Variants in ADRA1B observed in about 807,000 individuals in gnomAD.
The protein encoded by ADRA1B is alpha-1B adrenergic receptor.
ADRA1B carries 17 observed loss-of-function variants against 17.9 expected under a neutral mutation model. The ratio of observed to expected loss-of-function variants is 0.95; its 90% confidence interval spans 0.65 to 1.42. The LOEUF is 1.42. Ranked by LOEUF, ADRA1B falls within the 40% of genes most tolerant of loss-of-function variation. The probability of loss-of-function intolerance (pLI) is 0.00; values close to 1 mark genes in which losing one functional copy is unlikely to be tolerated. For missense variants in ADRA1B, 681 were observed against 722.1 expected, an observed-to-expected ratio of 0.94 and a Z score of 0.65; for synonymous variants, 366 against 327.6, an observed-to-expected ratio of 1.12 and a Z score of -1.27.
At chr5:159,977,433 G>T (rs11739589), downstream of ADRA1B, among the ~76,000 whole-genome samples, 31,913 of 152,074 alleles carry the variant, frequency 0.21, 4,144 homozygotes, top group Non-Finnish European at 0.3. Flanking sequence ...GTCCTCACTT[G>T]GTGAGACCCC....
intron 1 of ADRA1B, among the ~76,000 whole-genome samples, chr5:159,932,146 T>A (rs1250687284): frequency 6.6e-6 from 1 of 152,114 alleles, no homozygotes; most frequent in African/African-American, 2.4e-5. Context: ...TTGTTTTTCC[T>A]TTTTTTCTTT....
the ADRA1B span, among the ~76,000 whole-genome samples, chr5:159,980,637 G>A: frequency 6.6e-6 from 1 of 152,084 alleles, no homozygotes; most frequent in Non-Finnish European, 1.5e-5. Flanking sequence ...TGATTGGTAA[G>A]ACTGGCAGAA....
chr5:159,883,635 C>A (rs1753890935), intron 1 of ADRA1B, among the ~76,000 whole-genome samples: 1 of 152,152 alleles, frequency 6.6e-6, no homozygotes, highest in African/African-American at 2.4e-5. Flanking sequence ...TTAGGCCTTC[C>A]CCATGGACTT....
At chr5:159,957,885 C>T (rs1300104430) in intron 1 of ADRA1B, among the ~76,000 whole-genome samples, 3 of 132,426 alleles carry the variant, frequency 2.3e-5, no homozygotes, top group Non-Finnish European at 4.6e-5. Flanking sequence ...GCCAAGATCA[C>T]ACCATTGCAC....
intron 1 of ADRA1B, chr5:159,947,956 A>T: frequency 1.0e-6 from 1 of 985,398 alleles, no homozygotes; most frequent in Non-Finnish European, 1.2e-6. Context: ...CTGTCCCTGG[A>T]TTCTTTGGCT....
chr5:159,972,351 C>G lies in ADRA1B; in HGVS notation c.1422C>G (p.Phe474Leu). 1 of 1,497,760 alleles carries G rather than the reference C, an allele frequency of 6.7e-7. No individual in the cohort carries two copies. Among genetic ancestry groups the G allele is most frequent in the South Asian group, 1.2e-5 (1 of 80,370 alleles). The allele number at this position is 1,497,760 out of a possible 1,614,324, so 92.8% of individuals were successfully genotyped here. ...RRGRHDSGPL[F>L]TFKLLTEPES... ...GCCGCCACGACTCGGGCCCGCTCTT[C>G]ACCTTCAAGCTCCTGACCGAGCCCG... Residue 474 changes from phenylalanine to leucine, a missense_variant, in exon 2 of 2, where the codon TTC (phenylalanine) becomes TTG (leucine). By Grantham distance (22) the Phe-to-Leu change is conservative. This residue lies in a region of ADRA1B where 251 missense variants were observed against 224.9 expected (regional missense o/e 1.12). Coordinates refer to ENST00000306675, the MANE Select transcript of ADRA1B (RefSeq NM_000679.4).
chr5:159,899,278 G>GGAAGGAAGGAAGGAAGGAAGGAAGGAAA (rs1754073022), intron 1 of ADRA1B, among the ~76,000 whole-genome samples: 2 of 137,080 alleles, frequency 1.5e-5, no homozygotes, highest in African/African-American at 5.6e-5. Flanking sequence ...AAGGAAGGAA[G>GGAAGGAAGGAAGGAAGGAAGGAAGGAAA]GAAGGAAGGA....
At chr5:159,885,474 C>CA (rs914572524) in intron 1 of ADRA1B, among the ~76,000 whole-genome samples, 1 of 152,060 alleles carries the variant, frequency 6.6e-6, no homozygotes, top group Non-Finnish European at 1.5e-5. Context: ...TGGGATTCTA[C>CA]AAAAAAAGTT....
intron 1 of ADRA1B, among the ~76,000 whole-genome samples, chr5:159,941,257 T>C (rs1158183513): frequency 1.3e-5 from 2 of 152,242 alleles, no homozygotes; most frequent in African/African-American, 2.4e-5. Flanking sequence ...GACTGCCATA[T>C]TGGACTGCAC....
chr5:159,889,665 G>T (rs965534971), intron 1 of ADRA1B, among the ~76,000 whole-genome samples: 6 of 152,194 alleles, frequency 3.9e-5, no homozygotes, highest in African/African-American at 9.7e-5. Context: ...TGCATCTGGG[G>T]TTCAATGGCA....
chr5:159,923,154 G>A lies in ADRA1B; in HGVS notation c.949+5300G>A, dbSNP rs574321972. Among the ~76,000 whole-genome samples, 5 of 152,398 alleles carry A rather than the reference G, an allele frequency of 3.3e-5. No homozygotes were observed. In the East Asian group the frequency reaches 7.7e-4, roughly 23 times the overall value. ...GCCCAGAGAATTAGAAGGGAGGCAGGTGCGTGTCAAGGCCAGAGGCGTGGG... is the reference window on the plus strand; with the variant it reads ...GCCCAGAGAATTAGAAGGGAGGCAGATGCGTGTCAAGGCCAGAGGCGTGGG... On this transcript the variant is annotated intron_variant, in intron 1 of 1. Transcript: ENST00000306675.
intron 1 of ADRA1B, among the ~76,000 whole-genome samples, chr5:159,898,620 A>C (rs1315791662): frequency 6.6e-6 from 1 of 152,254 alleles, no homozygotes; most frequent in Non-Finnish European, 1.5e-5. Context: ...GGCAGTCACT[A>C]TCTAAAGATT....
downstream of ADRA1B, among the ~76,000 whole-genome samples, chr5:159,973,055 C>CA (rs534077290): frequency 2.1e-4 from 32 of 152,310 alleles, 1 homozygote; most frequent in South Asian, 6.0e-3. Flanking sequence ...CAGAGCCTTG[C>CA]GTTTCCTCTT....
At chr5:159,924,921 G>A (rs1044338729) in intron 1 of ADRA1B, among the ~76,000 whole-genome samples, 2 of 152,186 alleles carry the variant, frequency 1.3e-5, no homozygotes, top group African/African-American at 4.8e-5. Context: ...CAGGCTTACT[G>A]TGCTCTCCAT....
chr5:159,938,316 C>T (rs1755012086), intron 1 of ADRA1B, among the ~76,000 whole-genome samples: 1 of 152,166 alleles, frequency 6.6e-6, no homozygotes, highest in Non-Finnish European at 1.5e-5. Flanking sequence ...CTGCATTTGC[C>T]TCCAAAATGA....
At chr5:159,964,668 T>C (rs538284637) in intron 1 of ADRA1B, among the ~76,000 whole-genome samples, 2 of 152,230 alleles carry the variant, frequency 1.3e-5, no homozygotes, top group South Asian at 4.1e-4. Context: ...CAAGAAAATA[T>C]AGGAATGTTG....
At chr5:159,897,700 T>C (rs1754054506) in intron 1 of ADRA1B, among the ~76,000 whole-genome samples, 1 of 152,168 alleles carries the variant, frequency 6.6e-6, no homozygotes, top group Non-Finnish European at 1.5e-5. Context: ...CCTGTCCTTG[T>C]TGGTAAACAT....
At chr5:159,956,381 G>A (rs1226893051) in intron 1 of ADRA1B, among the ~76,000 whole-genome samples, 1 of 150,424 alleles carries the variant, frequency 6.6e-6, no homozygotes, top group Non-Finnish European at 1.5e-5. Flanking sequence ...TTATTTTTTT[G>A]TTGGCTGTAA....
At chr5:159,934,437 G>T (rs1309697054) in intron 1 of ADRA1B, among the ~76,000 whole-genome samples, 1 of 151,978 alleles carries the variant, frequency 6.6e-6, no homozygotes, top group Non-Finnish European at 1.5e-5. Context: ...AAGACGGCTG[G>T]CACCTTCTCT....
Sources: gnomAD v4.1 joint callset for allele counts (sites outside exome capture counted in the v4.1 genomes callset) on GRCh38, gnomAD v4.1.1 for gene constraint, gnomAD v4.1.1 regional missense constraint, MANE v1.5 for transcripts, NCBI Gene and HGNC (gene_info 2026-07-23, HGNC 2026-07-21) for gene names.